ZBBX: variants seen among roughly 807,000 people sequenced by gnomAD.
ZBBX encodes zinc finger B-box domain containing.
Under a neutral mutation model 108.5 loss-of-function variants are expected in ZBBX, and 101 were observed. The observed-to-expected ratio is 0.93, with a 90% CI of 0.79 to 1.10. The LOEUF is 1.10. Ranked by LOEUF, ZBBX falls within the 50% of genes least tolerant of loss-of-function variation. ZBBX has a pLI of 0.00. For synonymous variants in ZBBX, 356 were observed against 323.4 expected (o/e 1.10, Z -1.08); for missense variants, 1,009 against 941.4 (o/e 1.07, Z -0.94).
intron 9 of ZBBX, among the ~76,000 whole-genome samples, chr3:167,348,382 G>GAA (rs1560163962): frequency 3.4e-5 from 4 of 118,928 alleles, no homozygotes; most frequent in South Asian, 5.8e-4. Context: ...AAAAAGAAAA[G>GAA]AAAAGAAGAA....
intron 16 of ZBBX, among the ~76,000 whole-genome samples, chr3:167,308,930 C>A (rs1023470121): frequency 1.3e-5 from 2 of 152,050 alleles, no homozygotes; most frequent in South Asian, 4.1e-4. Flanking sequence ...CAAAACTACA[C>A]GTGTGTCCCT....
At chr3:167,384,776 G>A (rs548107008), upstream of ZBBX, among the ~76,000 whole-genome samples, 8 of 152,106 alleles carry the variant, frequency 5.3e-5, 1 homozygote, top group South Asian at 1.0e-3. Flanking sequence ...TGCAAATGAG[G>A]TTGGCAACCT....
chr3:167,348,867 A>G (rs1411998150), intron 9 of ZBBX, among the ~76,000 whole-genome samples: 3 of 152,130 alleles, frequency 2.0e-5, no homozygotes, highest in Admixed American at 2.0e-4. Context: ...TACAGGATAC[A>G]TACACTTTAA....
chr3:167,252,645 G>T (rs1023667908), intron 20 of ZBBX, among the ~76,000 whole-genome samples: 8 of 151,030 alleles, frequency 5.3e-5, no homozygotes, highest in African/African-American at 1.7e-4. Context: ...GCCTTCTGCT[G>T]TTGGACATCA....
intron 8 of ZBBX, among the ~76,000 whole-genome samples, chr3:167,355,699 C>T (rs1195727370): frequency 1.3e-5 from 2 of 151,844 alleles, no homozygotes; most frequent in Non-Finnish European, 2.9e-5. Flanking sequence ...TTTAACAATA[C>T]CATGGTCTAC....
the ZBBX span, among the ~76,000 whole-genome samples, chr3:167,221,907 G>C: frequency 6.6e-6 from 1 of 151,850 alleles, no homozygotes; most frequent in African/African-American, 2.4e-5. Context: ...CCAAAAGACA[G>C]GCAATAACAA....
chr3:167,205,145 G>T, the ZBBX span, among the ~76,000 whole-genome samples: 1 of 152,130 alleles, frequency 6.6e-6, no homozygotes, highest in Admixed American at 6.6e-5. Context: ...TAAGTTGTTT[G>T]TTATGTAGGG....
intron 19 of ZBBX, among the ~76,000 whole-genome samples, chr3:167,286,166 G>C (rs1412537065): frequency 6.6e-6 from 1 of 152,100 alleles, no homozygotes; most frequent in Non-Finnish European, 1.5e-5. Context: ...GGAAATTTCA[G>C]AGCATCCTGG....
At chr3:167,403,536 A>AT (rs1247732632) in intron 1 of ZBBX, among the ~76,000 whole-genome samples, 1 of 152,118 alleles carries the variant, frequency 6.6e-6, no homozygotes, top group Non-Finnish European at 1.5e-5. Flanking sequence ...ATATGCAAGC[A>AT]TTTTTTCTCC....
chr3:167,311,437 GC>G (rs1287103551), intron 16 of ZBBX, among the ~76,000 whole-genome samples: 1 of 151,968 alleles, frequency 6.6e-6, no homozygotes, highest in Non-Finnish European at 1.5e-5. Context: ...AAATTGATAA[GC>G]TAAACTTTAT....
At chr3:167,210,241 T>C in the ZBBX span, among the ~76,000 whole-genome samples, 430 of 151,270 alleles carry the variant, frequency 2.8e-3, 2 homozygotes, top group African/African-American at 1.0e-2. Context: ...AATTATGGAG[T>C]TGAAAAATGC....
In ZBBX at chr3:167,395,337, G is replaced by T. The variant is rs569061804; in HGVS notation, c.-446+12389C>A. 7.9e-5 allele frequency among the ~76,000 whole-genome samples: 12 copies of T among 152,080 alleles called. No homozygotes were observed. In the South Asian group the frequency reaches 2.5e-3, roughly 32 times the overall value. ...ACAGTTATAGGTTCTGGTACTAACT[G>T]GTTTTACTTGCAATACTGGTCTTTT... On this transcript the variant is annotated intron_variant, in intron 1 of 21. Transcript: ENST00000455345.
At chr3:167,199,012 C>T in the ZBBX span, among the ~76,000 whole-genome samples, 1 of 151,966 alleles carries the variant, frequency 6.6e-6, no homozygotes. Flanking sequence ...CCAAAAGTAA[C>T]AGGAGAGAAA....
chr3:167,328,053 C>A lies in ZBBX; in HGVS notation c.751G>T (p.Gly251Trp). ...GCAGAAGCTTCTTCATCGAATGACC[C>A]TTCACACAACAGACTCTTTCTTGGT... is the stretch of plus-strand genomic sequence containing the variant. ...TKPRKSLLCE[G>W]SFDEEASAQS... The change falls in exon 11 of 22, where the codon GGG becomes TGG. Residue 251 changes from glycine (G) to tryptophan (W), a missense_variant. Transcript: ENST00000675490. 6.2e-7 allele frequency: 1 copy of A among 1,613,874 alleles called. No homozygotes were observed. Among genetic ancestry groups the A allele is most frequent in the East Asian group, 2.2e-5 (1 of 44,862 alleles).
chr3:167,290,070 C>A (rs1730413933), intron 18 of ZBBX, among the ~76,000 whole-genome samples: 1 of 152,204 alleles, frequency 6.6e-6, no homozygotes, highest in Non-Finnish European at 1.5e-5. Context: ...GAAGCCCCAG[C>A]CACAGACTTA....
chr3:167,260,328 C>T (rs1044841488), intron 20 of ZBBX, among the ~76,000 whole-genome samples: 18 of 152,098 alleles, frequency 1.2e-4, no homozygotes, highest in Admixed American at 1.1e-3. Flanking sequence ...GATCTTTTTG[C>T]AGTGAATTTC....
chr3:167,392,968 T>G (rs965432181), intron 1 of ZBBX: 1 of 151,846 alleles, frequency 6.6e-6, no homozygotes, highest in Admixed American at 6.6e-5. Context: ...CTTAAAGCCA[T>G]GGGATGGAAT....
chr3:167,344,167 C>T (rs1741037599), intron 9 of ZBBX, among the ~76,000 whole-genome samples: 1 of 151,670 alleles, frequency 6.6e-6, no homozygotes, highest in Non-Finnish European at 1.5e-5. Flanking sequence ...CCAGAATAGG[C>T]TAATCTAGAG....
chr3:167,358,957 AAAAAAG>A (rs1382935699), intron 8 of ZBBX, among the ~76,000 whole-genome samples: 1 of 150,236 alleles, frequency 6.7e-6, no homozygotes, highest in Non-Finnish European at 1.5e-5. Context: ...AAAAAAAAAA[AAAAAAG>A]AGAGAGAATA....
Sources: gnomAD v4.1 joint callset for allele counts (sites outside exome capture counted in the v4.1 genomes callset) on GRCh38, gnomAD v4.1.1 for gene constraint, MANE v1.5 for transcripts, NCBI Gene and HGNC (gene_info 2026-07-23, HGNC 2026-07-21) for gene names.